POLR3GL: variants seen among roughly 807,000 people sequenced by gnomAD.
POLR3GL encodes the protein RNA polymerase III subunit GL.
A neutral mutation model predicts 32.4 loss-of-function variants in POLR3GL; 26 were observed. The observed-to-expected ratio is 0.80, with a 90% CI of 0.59 to 1.11. The LOEUF (loss-of-function observed/expected upper bound fraction) is 1.11. POLR3GL is among the 50% of genes most tolerant of loss of function. The pLI, the probability that POLR3GL is intolerant of heterozygous loss-of-function variation, is 0.00. For missense variants in POLR3GL, 229 were observed against 280.1 expected (o/e 0.82, Z 1.30); for synonymous variants, 95 against 98.7 (o/e 0.96, Z 0.22).
At position 145,975,297 on chromosome 1, in the gene POLR3GL, G is replaced by T; in HGVS notation, c.127-10G>T. ...TCTCCCTGAACTGACCACTGCCCCT[G>T]CCTCTTTAGCCCTTGGAGTTCCGCC... is the stretch of plus-strand genomic sequence containing the variant. On this transcript the variant is annotated splice_polypyrimidine_tract_variant and intron_variant, in intron 2 of 7. Coordinates refer to ENST00000369314, the MANE Select transcript of POLR3GL (RefSeq NM_032305.3). 3.7e-6 allele frequency: 6 copies of T among 1,612,728 alleles called. No individual in the cohort carries two copies. Among genetic ancestry groups the T allele is most frequent in the Non-Finnish European group, 5.1e-6 (6 of 1,178,802 alleles).
chr1:145,971,463 G>C (rs78882299), intron 1 of POLR3GL, among the ~76,000 whole-genome samples: 4,289 of 152,142 alleles, frequency 0.028, 233 homozygotes, highest in African/African-American at 0.098. Context: ...ATGCCTTTCT[G>C]CTGGAATTTG....
chr1:145,967,346 T>C (rs1322321960), intron 1 of POLR3GL, among the ~76,000 whole-genome samples: 9 of 152,028 alleles, frequency 5.9e-5, no homozygotes, highest in Admixed American at 5.9e-4. Flanking sequence ...GGCTAATTTT[T>C]TGTATTTTTA....
chr1:145,971,989 AATATATATAT>A (rs1165893062), intron 1 of POLR3GL, among the ~76,000 whole-genome samples: 1 of 66,966 alleles, frequency 1.5e-5, no homozygotes, highest in Non-Finnish European at 2.5e-5. Flanking sequence ...AAAAAAAAAA[AATATATATAT>A]ATATATATAT....
At chr1:145,967,666 A>G (rs1419006852) in intron 1 of POLR3GL, among the ~76,000 whole-genome samples, 5 of 152,180 alleles carry the variant, frequency 3.3e-5, no homozygotes, top group Non-Finnish European at 7.3e-5. Context: ...TTCTCTGTCC[A>G]CATCCACTCC....
intron 1 of POLR3GL, among the ~76,000 whole-genome samples, chr1:145,970,256 C>T (rs181442075): frequency 2.1e-3 from 316 of 152,228 alleles, no homozygotes; most frequent in Admixed American, 9.0e-3. Context: ...AGCGATCCTT[C>T]CACCTCAGTC....
At chr1:145,964,947 C>T (rs1374071279) in intron 1 of POLR3GL, among the ~76,000 whole-genome samples, 179 bp downstream of exon 1, 1 of 152,188 alleles carries the variant, frequency 6.6e-6, no homozygotes, top group Non-Finnish European at 1.5e-5. Context: ...AGTTTTCTAT[C>T]GCGCATGGGG....
At chr1:145,971,178 T>G (rs1570993451) in intron 1 of POLR3GL, among the ~76,000 whole-genome samples, 1 of 64,492 alleles carries the variant, frequency 1.6e-5, no homozygotes, top group Admixed American at 2.7e-4. Context: ...AGAGCGAAAC[T>G]CCATCTCAAA....
chr1:145,973,140 T>C (rs1553762924), intron 1 of POLR3GL, among the ~76,000 whole-genome samples: 1 of 152,152 alleles, frequency 6.6e-6, no homozygotes, highest in Non-Finnish European at 1.5e-5. Flanking sequence ...GTTCCTTTTA[T>C]TGGAAAATTG....
chr1:145,976,316 C>T (rs182918272), intron 3 of POLR3GL, among the ~76,000 whole-genome samples: 3 of 151,042 alleles, frequency 2.0e-5, no homozygotes, highest in African/African-American at 7.3e-5. Context: ...TGGTGGCTCA[C>T]ACCTAGAATC....
rs1286100959 is a variant in POLR3GL, at chr1:145,975,875, C to A, written c.256+439C>A. 2.6e-5 allele frequency among the ~76,000 whole-genome samples: 4 copies of A among 151,894 alleles called. No individual in the cohort carries two copies. The East Asian group carries it at 7.7e-4, about 29-fold the overall frequency. On this transcript the variant is annotated intron_variant, in intron 3 of 7. Transcript: ENST00000369314. ...TCTGGATATTATAAGCACCAACCAA[C>A]AAGAGAATACTGAAATCCTGGTTTC...
intron 3 of POLR3GL, 141 bp downstream of exon 3, chr1:145,975,577 G>T: frequency 2.2e-6 from 2 of 899,324 alleles, no homozygotes; most frequent in South Asian, 2.1e-5. Flanking sequence ...TATCTGAAAT[G>T]CATTATAGTA....
intron 4 of POLR3GL, 106 bp downstream of exon 4, chr1:145,977,258 C>T: frequency 9.6e-7 from 1 of 1,046,314 alleles, no homozygotes; most frequent in Non-Finnish European, 1.5e-6. Flanking sequence ...GATCCAGCAT[C>T]TGCAAGCTAG....
At chr1:145,975,805 G>A (rs1559256534) in intron 3 of POLR3GL, among the ~76,000 whole-genome samples, 1 of 152,094 alleles carries the variant, frequency 6.6e-6, no homozygotes, top group Non-Finnish European at 1.5e-5. Context: ...CCAAAGTGCT[G>A]GGATTACAGG....
intron 1 of POLR3GL, among the ~76,000 whole-genome samples, chr1:145,973,379 C>T (rs782483646): frequency 6.6e-6 from 1 of 151,912 alleles, no homozygotes; most frequent in Non-Finnish European, 1.5e-5. Flanking sequence ...GAATGGATAC[C>T]ATCTCTTTAG....
In POLR3GL at chr1:145,975,422, C is replaced by G. The variant is rs1277396162; in HGVS notation, c.242C>G (p.Ala81Gly). The change falls in exon 3 of 8, where the codon GCT becomes GGT. Residue 81 changes from alanine to glycine, a missense_variant. Ala to Gly is a moderately conservative substitution (Grantham distance 60). Transcript: ENST00000369314. ...MRQLPYFIRP[A>G]VPKRDVERYS... The stretch of plus-strand genomic sequence containing the variant: ...CAGCTCCCCTACTTCATCCGGCCAG[C>G]TGTCCCCAAGAGAGGTCAGTTGGAA... 1.2e-6 allele frequency: 2 copies of G among 1,613,896 alleles called. No homozygotes were observed. The highest frequency in any genetic ancestry group is 2.2e-5 in the East Asian group (1 of 44,892).
chr1:145,967,450 C>T (rs1650090700), intron 1 of POLR3GL, among the ~76,000 whole-genome samples: 2 of 152,156 alleles, frequency 1.3e-5, no homozygotes, highest in Non-Finnish European at 2.9e-5. Context: ...CCCTGGATTA[C>T]AGGAGTGAGC....
At position 145,977,997 on chromosome 1, in the gene POLR3GL, GGAA is replaced by G. The variant is rs782715429; in HGVS notation, c.479_481del (p.Glu160del). 9.9e-6 allele frequency: 16 copies of G among 1,613,224 alleles called. No individual in the cohort carries two copies. The highest frequency in any genetic ancestry group is 1.7e-5 in the Admixed American group (1 of 59,980). ...CCCCACATGAGACCCTGGAGAAGAAGGAAGAAGAAGTAACTTCAGAGGAGGATG... is the reference window on the plus strand; with the variant it reads ...CCCCACATGAGACCCTGGAGAAGAAGGAAGAAGTAACTTCAGAGGAGGATG... On this transcript the variant is annotated inframe_deletion, in exon 7 of 8. Transcript: ENST00000369314.
intron 3 of POLR3GL, among the ~76,000 whole-genome samples, chr1:145,976,142 G>C (rs1460560785): frequency 6.6e-6 from 1 of 152,148 alleles, no homozygotes; most frequent in Non-Finnish European, 1.5e-5. Flanking sequence ...AGGCACAGTG[G>C]TGTGTGCCTG....
chr1:145,977,480 C>T lies in POLR3GL; in HGVS notation c.326-3C>T. On this transcript the variant is annotated splice_region_variant and splice_polypyrimidine_tract_variant and intron_variant, in intron 4 of 7. Coordinates refer to ENST00000369314, the MANE Select transcript of POLR3GL (RefSeq NM_032305.3). ...TTGACATTTACGTTCCCACTATTCC[C>T]AGATTGGCGGCGTCTACCCCGGGAG... 1.2e-6 allele frequency: 2 copies of T among 1,613,936 alleles called. No individual in the cohort carries two copies. Among genetic ancestry groups the T allele is most frequent in the Non-Finnish European group, 1.7e-6 (2 of 1,179,838 alleles).
Sources: gnomAD v4.1 joint callset for allele counts (sites outside exome capture counted in the v4.1 genomes callset) on GRCh38, gnomAD v4.1.1 for gene constraint, MANE v1.5 for transcripts, NCBI Gene and HGNC (gene_info 2026-07-23, HGNC 2026-07-21) for gene names.